The following UACA variants were observed in gnomAD, a reference collection of about 807,000 sequenced individuals.
The protein encoded by UACA is nuclear membrane binding protein.
In UACA, 112 loss-of-function variants were observed where a neutral mutation model predicts 160.5. The observed-to-expected ratio is 0.70, with a 90% CI of 0.60 to 0.82. UACA has a LOEUF of 0.82. Among genes scored for constraint, UACA ranks in the 40% least tolerant of loss-of-function variants. The pLI is 0.00. For missense variants in UACA, 1,574 were observed against 1,614.6 expected (o/e 0.97, Z 0.43); for synonymous variants, 557 against 568.4 (o/e 0.98, Z 0.29).
At chr15:70,694,228 C>T (rs1449835462) in intron 3 of UACA, among the ~76,000 whole-genome samples, 1 of 151,774 alleles carries the variant, frequency 6.6e-6, no homozygotes, top group African/African-American at 2.4e-5. Context: ...AGAAAACTAG[C>T]ACTCTCATGG....
At chr15:70,774,825 G>C in the UACA span, among the ~76,000 whole-genome samples, 6 of 152,164 alleles carry the variant, frequency 3.9e-5, no homozygotes, top group African/African-American at 9.6e-5. Context: ...AAGCCAAGGT[G>C]GGGGGATTAC....
At chr15:70,737,904 G>A (rs1019296085) in intron 1 of UACA, among the ~76,000 whole-genome samples, 24 of 152,020 alleles carry the variant, frequency 1.6e-4, no homozygotes, top group Non-Finnish European at 2.9e-5. Context: ...ACATTTCCAG[G>A]CCCACTCTAC....
At chr15:70,714,885 C>T (rs1898781756) in intron 1 of UACA, among the ~76,000 whole-genome samples, 1 of 152,160 alleles carries the variant, frequency 6.6e-6, no homozygotes, top group Non-Finnish European at 1.5e-5. Flanking sequence ...CCACGTTTAA[C>T]AGTTATCATT....
At chr15:70,747,036 G>T (rs1244204935) in intron 1 of UACA, among the ~76,000 whole-genome samples, 1 of 151,932 alleles carries the variant, frequency 6.6e-6, no homozygotes, top group Non-Finnish European at 1.5e-5. Context: ...GTAGATGATG[G>T]GTTGATGTGT....
At chr15:70,675,121 C>T (rs765490994) in intron 13 of UACA, among the ~76,000 whole-genome samples, 6 of 152,028 alleles carry the variant, frequency 3.9e-5, no homozygotes, top group Middle Eastern at 6.8e-3. Flanking sequence ...ATTTGTGAAA[C>T]CCCTCATGGG....
the UACA span, among the ~76,000 whole-genome samples, chr15:70,773,844 A>G: frequency 6.6e-6 from 1 of 152,224 alleles, no homozygotes; most frequent in African/African-American, 2.4e-5. Flanking sequence ...TCTATGAAAT[A>G]CCCAATGTGA....
In UACA at chr15:70,684,247, A is replaced by G; in HGVS notation, c.784+18T>C. The G allele has an allele frequency of 6.3e-7, 1 of 1,577,108 alleles. No individual in the cohort carries two copies. Among genetic ancestry groups the G allele is most frequent in the Non-Finnish European group, 8.6e-7 (1 of 1,165,206 alleles). ...TTTGTTAATGTGGACTTTTCTAGTT[A>G]CAGAAAACTGCTGATACCTTTGTTG... On this transcript the variant is annotated intron_variant, in intron 8 of 18. Coordinates refer to ENST00000322954, the MANE Select transcript of UACA (RefSeq NM_018003.4).
intron 1 of UACA, among the ~76,000 whole-genome samples, chr15:70,753,129 C>T (rs4777305): frequency 0.86 from 130,545 of 152,138 alleles, 56,282 homozygotes; most frequent in Admixed American, 0.91. Context: ...AAAATAAGGA[C>T]GTATAAAGCT....
the UACA span, among the ~76,000 whole-genome samples, chr15:70,772,234 C>G: frequency 6.6e-6 from 1 of 152,044 alleles, no homozygotes; most frequent in Admixed American, 6.5e-5. Context: ...TGGCTCACGC[C>G]TGTAATCCCA....
At chr15:70,729,660 G>A (rs1899257126) in intron 1 of UACA, among the ~76,000 whole-genome samples, 2 of 141,832 alleles carry the variant, frequency 1.4e-5, no homozygotes, top group African/African-American at 6.0e-5. Context: ...TGTGGAGGGA[G>A]GAGCCAAGAT....
intron 13 of UACA, among the ~76,000 whole-genome samples, chr15:70,673,004 G>T (rs577412213): frequency 2.6e-5 from 4 of 152,330 alleles, no homozygotes; most frequent in African/African-American, 9.6e-5. Context: ...GCTGAGCCAG[G>T]AGAACTGCTT....
intron 1 of UACA, among the ~76,000 whole-genome samples, chr15:70,743,649 T>G (rs1429761430): frequency 6.6e-6 from 1 of 152,194 alleles, no homozygotes; most frequent in African/African-American, 2.4e-5. Context: ...GTGCTGAAGA[T>G]TTTCTTTTCC....
At chr15:70,682,849 G>T (rs979324740) in intron 8 of UACA, 54 bp from the exon 9 acceptor site, 3 of 1,266,068 alleles carry the variant, frequency 2.4e-6, no homozygotes, top group Admixed American at 2.2e-5. Flanking sequence ...CTTGGGGTAG[G>T]TACGCATTCC....
At chr15:70,749,052 T>C (rs1899797456) in intron 1 of UACA, 1 of 183,466 alleles carries the variant, frequency 5.5e-6, no homozygotes, top group Non-Finnish European at 1.2e-5. Context: ...ACAACTTCCT[T>C]CCAAATGGTT....
At chr15:70,772,492 C>CAAAAA in the UACA span, among the ~76,000 whole-genome samples, 17 of 49,544 alleles carry the variant, frequency 3.4e-4, no homozygotes, top group East Asian at 1.1e-3. Context: ...GCCTCCATCT[C>CAAAAA]AAAAAAAAAA....
intron 11 of UACA, 146 bp from the exon 12 acceptor site, chr15:70,677,286 T>C (rs1212603596): frequency 3.5e-6 from 2 of 563,630 alleles, no homozygotes; most frequent in African/African-American, 3.9e-5. Flanking sequence ...TACAATTCTG[T>C]TGTATGAGTT....
At chr15:70,745,446 G>GAAAAAA (rs71152312) in intron 1 of UACA, among the ~76,000 whole-genome samples, 1 of 129,452 alleles carries the variant, frequency 7.7e-6, no homozygotes, top group African/African-American at 3.2e-5. Context: ...AAAAGAAAAA[G>GAAAAAA]AAAAAAAAAA....
chr15:70,663,723 C>A (rs1489348302), intron 17 of UACA, among the ~76,000 whole-genome samples: 1 of 151,962 alleles, frequency 6.6e-6, no homozygotes. Flanking sequence ...TTTGTAGGGA[C>A]ATGGATGAAG....
chr15:70,769,609 A>G, the UACA span, among the ~76,000 whole-genome samples: 1 of 152,004 alleles, frequency 6.6e-6, no homozygotes, highest in Admixed American at 6.6e-5. Flanking sequence ...TAAATGTGCT[A>G]TTTGGAATTC....
Sources: allele counts gnomAD v4.1 joint callset (sites outside exome capture counted in the v4.1 genomes callset), GRCh38; gene constraint gnomAD v4.1.1; transcripts MANE v1.5; gene names NCBI Gene and HGNC (gene_info 2026-07-23, HGNC 2026-07-21).